Variants in TANC2 observed in about 807,000 individuals in gnomAD.
TANC2 encodes the protein protein TANC2.
TANC2 carries 26 observed loss-of-function variants against 210.5 expected under a neutral mutation model. The ratio of observed to expected loss-of-function variants is 0.12; its 90% CI spans 0.09 to 0.17. The LOEUF is 0.17. Ranked by LOEUF, TANC2 falls within the 10% of genes least tolerant of loss-of-function variation. The pLI is 1.00. For missense variants in TANC2, 2,129 were observed against 2,608.9 expected (o/e 0.82, Z 4.01); for synonymous variants, 931 against 967.1 (o/e 0.96, Z 0.69).
chr17:63,315,513 A>G (rs950410721), intron 10 of TANC2, among the ~76,000 whole-genome samples: 2 of 152,178 alleles, frequency 1.3e-5, no homozygotes, highest in Non-Finnish European at 2.9e-5. Context: ...AATAAATAGA[A>G]ATGTATCAGT....
chr17:63,220,837 TGTGTGTATATAC>T (rs2042166633), intron 7 of TANC2, among the ~76,000 whole-genome samples: 1 of 149,320 alleles, frequency 6.7e-6, no homozygotes, highest in African/African-American at 2.4e-5. Flanking sequence ...TATGTATATA[TGTGTGTATATAC>T]GTATATACGT....
intron 8 of TANC2, among the ~76,000 whole-genome samples, chr17:63,264,687 TA>T (rs770401089): frequency 1.2e-4 from 19 of 152,156 alleles, no homozygotes; most frequent in Non-Finnish European, 2.2e-4. Context: ...ATATGGAAAG[TA>T]AACTGCTAAT....
At position 63,412,764 on chromosome 17, in the gene TANC2, C is replaced by T; in HGVS notation, c.3928+55C>T. ...TGGTCTGATGGCTTGGTCAGCTTTGCCTTCTCCTCTTTGGTTTAGCCTGCA... is the reference window on the plus strand; with the variant it reads ...TGGTCTGATGGCTTGGTCAGCTTTGTCTTCTCCTCTTTGGTTTAGCCTGCA... On this transcript the variant is annotated intron_variant, in intron 24 of 27. Coordinates refer to ENST00000689528, the Ensembl canonical transcript of TANC2. The surrounding 1 kb of genome is among the most constrained non-coding windows in gnomAD (Gnocchi z 4.2). The T allele has an allele frequency of 6.5e-7, 1 of 1,531,302 alleles. No individual in the cohort carries two copies. The highest frequency in any genetic ancestry group is 8.7e-7 in the Non-Finnish European group (1 of 1,145,412). The allele number at this position is 1,531,302 out of a possible 1,614,324, so 94.9% of individuals were successfully genotyped here.
At chr17:63,060,847 C>G (rs762735946) in intron 2 of TANC2, among the ~76,000 whole-genome samples, 1 of 152,116 alleles carries the variant, frequency 6.6e-6, no homozygotes, top group Non-Finnish European at 1.5e-5. Context: ...AATGTAAAAT[C>G]TTTAGCTCAG....
intron 4 of TANC2, among the ~76,000 whole-genome samples, chr17:63,099,695 A>G (rs2037551925): frequency 6.6e-6 from 1 of 152,188 alleles, no homozygotes; most frequent in East Asian, 1.9e-4. Flanking sequence ...AGATGGAGAC[A>G]TTCTAATTTT....
chr17:63,082,561 G>A (rs2036817111), intron 3 of TANC2, among the ~76,000 whole-genome samples: 1 of 152,142 alleles, frequency 6.6e-6, no homozygotes, highest in South Asian at 2.1e-4. Context: ...TAAGAAGGAA[G>A]GGGAAATCAC....
At chr17:63,060,313 T>C (rs1424893705) in intron 2 of TANC2, among the ~76,000 whole-genome samples, 2 of 152,234 alleles carry the variant, frequency 1.3e-5, no homozygotes, top group Non-Finnish European at 2.9e-5. Flanking sequence ...CATACTACAA[T>C]CTCTCTCTTT....
intron 1 of TANC2, among the ~76,000 whole-genome samples, chr17:62,967,881 A>T (rs989007174): frequency 3.3e-5 from 5 of 152,026 alleles, no homozygotes; most frequent in African/African-American, 1.2e-4. Context: ...AACAACATGG[A>T]TACTGTCAGT....
At chr17:63,422,970 C>G (rs568568316) in exon 28 of TANC2, 78 of 152,266 alleles carry the variant, frequency 5.1e-4, no homozygotes, top group African/African-American at 1.8e-3. Context: ...CACCTACAGC[C>G]AGATTTTGTT....
At chr17:63,355,220 G>A in exon 14 of TANC2, 2 of 1,613,560 alleles carry the variant, frequency 1.2e-6, no homozygotes, top group Non-Finnish European at 1.7e-6. Context: ...TCAATGCTGG[G>A]AGCATTGAAG....
chr17:63,415,760 A>T, intron 26 of TANC2, 86 bp downstream of exon 26: 1 of 1,508,626 alleles, frequency 6.6e-7, no homozygotes, highest in Non-Finnish European at 8.9e-7. Flanking sequence ...GGCCCCTGAA[A>T]TCCTCCTCTG....
At chr17:63,147,595 C>G (rs2039507211) in intron 4 of TANC2, among the ~76,000 whole-genome samples, 1 of 152,114 alleles carries the variant, frequency 6.6e-6, no homozygotes, top group Non-Finnish European at 1.5e-5. Flanking sequence ...AGTGTCTGAC[C>G]CAGCTTATCT....
rs1158006216 is a variant in TANC2, at chr17:63,207,780, CTCTT to C, written c.769+6826_769+6829del. Among the ~76,000 whole-genome samples the C allele has an allele frequency of 1.6e-4, 25 of 152,094 alleles. 1 individual carries two copies. The highest frequency in any genetic ancestry group is 6.0e-4 in the African/African-American group (25 of 41,426). The stretch of plus-strand genomic sequence containing the variant: ...AATTGTCAGATTATTAGAAATGTGT[CTCTT>C]TCAACTTTATAAAATAATTTCATCT... On this transcript the variant is annotated intron_variant, in intron 7 of 27. Transcript: ENST00000689528.
chr17:63,153,447 G>T (rs2039726929), intron 5 of TANC2: 1 of 152,134 alleles, frequency 6.6e-6, no homozygotes, highest in African/African-American at 2.4e-5. Context: ...CAAACTGAAG[G>T]TTAGAGCAGT....
chr17:63,364,709 G>A (rs890341769), intron 14 of TANC2, among the ~76,000 whole-genome samples: 1 of 151,952 alleles, frequency 6.6e-6, no homozygotes, highest in Non-Finnish European at 1.5e-5. Flanking sequence ...ATCACTTGAG[G>A]CCAGGAGTTC....
At chr17:63,024,311 T>A (rs564923843) in intron 2 of TANC2, among the ~76,000 whole-genome samples, 10 of 152,336 alleles carry the variant, frequency 6.6e-5, no homozygotes, top group Non-Finnish European at 1.5e-4. Flanking sequence ...TTCTTGATTA[T>A]ATGCTAGACA....
chr17:63,025,483 G>GC (rs2034510834), intron 2 of TANC2, among the ~76,000 whole-genome samples: 1 of 152,034 alleles, frequency 6.6e-6, no homozygotes, highest in Admixed American at 6.6e-5. Flanking sequence ...GCAATGAGGT[G>GC]CCAAATACAG....
intron 19 of TANC2, among the ~76,000 whole-genome samples, chr17:63,402,690 A>G (rs2048379145): frequency 6.6e-6 from 1 of 152,158 alleles, no homozygotes; most frequent in African/African-American, 2.4e-5. Flanking sequence ...AAAAAAGACC[A>G]TTTCTGTCAG....
intron 17 of TANC2, among the ~76,000 whole-genome samples, chr17:63,393,998 G>A (rs1332517197): frequency 6.6e-6 from 1 of 151,720 alleles, no homozygotes; most frequent in African/African-American, 2.4e-5. Flanking sequence ...TCTCGAACTC[G>A]TGACCTCAGG....
Sources: gnomAD v4.1 joint callset for allele counts (sites outside exome capture counted in the v4.1 genomes callset) on GRCh38, gnomAD v4.1.1 for gene constraint, Gnocchi (gnomAD v3.1) non-coding constraint, MANE v1.5 for transcripts, NCBI Gene and HGNC (gene_info 2026-07-23, HGNC 2026-07-21) for gene names.